The following CNTNAP5 variants were observed in gnomAD, a reference collection of about 807,000 sequenced individuals.
CNTNAP5 encodes the protein contactin-associated protein-like 5.
A neutral mutation model predicts 150.2 loss-of-function variants in CNTNAP5; 72 were observed. That is an observed-to-expected ratio of 0.48 (90% CI 0.40 to 0.58). The LOEUF (loss-of-function observed/expected upper bound fraction) is 0.58, where lower values mean the gene tolerates loss of function less well. Among genes scored for constraint, CNTNAP5 ranks in the 20% least tolerant of loss-of-function variants. The pLI is 0.00. For synonymous variants in CNTNAP5, 672 were observed against 619.8 expected, an observed-to-expected ratio of 1.08 and a Z score of -1.25; for missense variants, 1,636 against 1,626.2, an observed-to-expected ratio of 1.01 and a Z score of -0.10.
chr2:124,251,791 G>A (rs1021416956), intron 3 of CNTNAP5, among the ~76,000 whole-genome samples: 1 of 152,096 alleles, frequency 6.6e-6, no homozygotes, highest in African/African-American at 2.4e-5. Flanking sequence ...TTTTGATTTT[G>A]CAATGATTCA....
chr2:124,619,612 A>G (rs1195232460), intron 12 of CNTNAP5, among the ~76,000 whole-genome samples: 1 of 151,866 alleles, frequency 6.6e-6, no homozygotes, highest in East Asian at 1.9e-4. Flanking sequence ...AGCAAAGCAG[A>G]TTGACCTCCA....
At chr2:124,758,129 C>A (rs1283849646) in intron 14 of CNTNAP5, among the ~76,000 whole-genome samples, 1 of 152,084 alleles carries the variant, frequency 6.6e-6, no homozygotes, top group African/African-American at 2.4e-5. Flanking sequence ...CAAAATAAAA[C>A]TGAGTCCGGC....
intron 13 of CNTNAP5, among the ~76,000 whole-genome samples, chr2:124,693,516 G>A (rs1402115845): frequency 6.6e-6 from 1 of 152,086 alleles, no homozygotes; most frequent in Non-Finnish European, 1.5e-5. Context: ...GCTAGGCTGA[G>A]TTTTATTCGT....
intron 18 of CNTNAP5, 35 bp downstream of exon 18, chr2:124,790,176 T>C (rs773398998): frequency 6.4e-7 from 1 of 1,571,004 alleles, no homozygotes; most frequent in Non-Finnish European, 8.6e-7. Context: ...CTGAGTGCAG[T>C]GCTGTATCAC....
At chr2:124,334,894 C>T (rs766144109) in intron 3 of CNTNAP5, among the ~76,000 whole-genome samples, 1 of 151,848 alleles carries the variant, frequency 6.6e-6, no homozygotes, top group African/African-American at 2.4e-5. Flanking sequence ...TTAGGATCTC[C>T]GATGGTACAT....
intron 14 of CNTNAP5, among the ~76,000 whole-genome samples, chr2:124,750,728 G>A (rs375568082): frequency 1.3e-5 from 2 of 152,186 alleles, no homozygotes; most frequent in East Asian, 3.9e-4. Context: ...GCTCACACCT[G>A]TAATCCCAGC....
chr2:124,647,142 T>G (rs932427905), intron 12 of CNTNAP5, among the ~76,000 whole-genome samples: 1 of 122,824 alleles, frequency 8.1e-6, no homozygotes, highest in Non-Finnish European at 1.9e-5. Context: ...TCCGTCATGA[T>G]TTAAAGGTCC....
intron 11 of CNTNAP5, among the ~76,000 whole-genome samples, chr2:124,602,065 C>G (rs1696997390): frequency 6.6e-6 from 1 of 152,092 alleles, no homozygotes; most frequent in Admixed American, 6.6e-5. Flanking sequence ...ATAAAATCGG[C>G]CAGGCGCGGT....
At chr2:124,814,183 G>T (rs532075694) in intron 19 of CNTNAP5, among the ~76,000 whole-genome samples, 2 of 149,650 alleles carry the variant, frequency 1.3e-5, no homozygotes, top group African/African-American at 4.9e-5. Flanking sequence ...ATGATTGGAT[G>T]CATCATGTTC....
chr2:124,425,533 T>C (rs1319776885), intron 4 of CNTNAP5, among the ~76,000 whole-genome samples: 1 of 152,194 alleles, frequency 6.6e-6, no homozygotes, highest in East Asian at 1.9e-4. Flanking sequence ...AGTGAAACCT[T>C]TTGCTAACCT....
chr2:124,147,244 AGGTTTG>A (rs1684276319), intron 1 of CNTNAP5, among the ~76,000 whole-genome samples: 1 of 152,174 alleles, frequency 6.6e-6, no homozygotes, highest in African/African-American at 2.4e-5. Flanking sequence ...ACTTTGGGCA[AGGTTTG>A]TTTTCAGTTT....
chr2:124,885,549 TCACACA>T (rs3980831), intron 21 of CNTNAP5, among the ~76,000 whole-genome samples: 15,884 of 145,236 alleles, frequency 0.11, 871 homozygotes, highest in South Asian at 0.15. Flanking sequence ...AACATTTTCA[TCACACA>T]CACACACACA....
At chr2:124,765,227 C>G (rs1681044445) in intron 16 of CNTNAP5, among the ~76,000 whole-genome samples, 1 of 151,768 alleles carries the variant, frequency 6.6e-6, no homozygotes, top group Non-Finnish European at 1.5e-5. Context: ...TCTCTGCAAG[C>G]AAAAAAATTC....
chr2:124,667,358 C>T (rs1050229579), intron 13 of CNTNAP5, among the ~76,000 whole-genome samples: 1 of 152,232 alleles, frequency 6.6e-6, no homozygotes, highest in African/African-American at 2.4e-5. Context: ...TTTGACAACT[C>T]AGGTCTGTGC....
intron 1 of CNTNAP5, among the ~76,000 whole-genome samples, chr2:124,052,329 C>T (rs576703525): frequency 1.6e-4 from 25 of 152,290 alleles, no homozygotes; most frequent in African/African-American, 5.1e-4. Context: ...ATAGTAAAAA[C>T]TCTGACCCAG....
At chr2:124,040,494 A>G (rs1031081469) in intron 1 of CNTNAP5, among the ~76,000 whole-genome samples, 2 of 152,180 alleles carry the variant, frequency 1.3e-5, no homozygotes, top group Non-Finnish European at 2.9e-5. Context: ...TCGTTTTCAG[A>G]TAACCTTACA....
chr2:124,289,147 T>C (rs558955438), intron 3 of CNTNAP5, among the ~76,000 whole-genome samples: 4 of 152,338 alleles, frequency 2.6e-5, no homozygotes, highest in African/African-American at 7.2e-5. Flanking sequence ...CTCTGTTGTA[T>C]TGTGCTGTGT....
chr2:124,543,679 T>A (rs1191598577), intron 10 of CNTNAP5, among the ~76,000 whole-genome samples: 2 of 152,176 alleles, frequency 1.3e-5, no homozygotes, highest in African/African-American at 4.8e-5. Context: ...GATTTATTTA[T>A]TTTTTTCTTT....
chr2:124,204,264 C>G (rs1306594633), intron 1 of CNTNAP5, among the ~76,000 whole-genome samples: 4 of 152,160 alleles, frequency 2.6e-5, no homozygotes, highest in Admixed American at 6.5e-5. Flanking sequence ...CACCTTTTCT[C>G]CAGTTTCCAA....
Sources: gnomAD v4.1 joint callset for allele counts (sites outside exome capture counted in the v4.1 genomes callset) on GRCh38, gnomAD v4.1.1 for gene constraint, MANE v1.5 for transcripts, NCBI Gene and HGNC (gene_info 2026-07-23, HGNC 2026-07-21) for gene names.